IFT74: variants seen among roughly 807,000 people sequenced by gnomAD.
IFT74 encodes intraflagellar transport 74.
IFT74 carries 92 observed loss-of-function variants against 96.7 expected under a neutral mutation model. The ratio of observed to expected loss-of-function variants is 0.95; its 90% confidence interval spans 0.80 to 1.13. The LOEUF (loss-of-function observed/expected upper bound fraction) is 1.13. IFT74 is among the 50% of genes most tolerant of loss of function. The pLI is 0.00. For missense variants in IFT74, 811 were observed against 698.2 expected (o/e 1.16, Z -1.82); for synonymous variants, 223 against 213.2 (o/e 1.05, Z -0.40).
intron 8 of IFT74, chr9:26,994,203 A>G (rs1352176407): frequency 6.6e-6 from 1 of 152,212 alleles, no homozygotes; most frequent in Non-Finnish European, 1.5e-5. Flanking sequence ...TTGAATAATC[A>G]GAGAGCAGTT....
intron 8 of IFT74, among the ~76,000 whole-genome samples, chr9:26,990,828 A>T (rs17694499): frequency 0.054 from 8,220 of 152,300 alleles, 316 homozygotes; most frequent in Middle Eastern, 0.16. Flanking sequence ...TGAGTTAACT[A>T]GGGATACTCA....
At chr9:26,963,611 C>A (rs2131485476) in intron 2 of IFT74, among the ~76,000 whole-genome samples, 1 of 151,366 alleles carries the variant, frequency 6.6e-6, no homozygotes, top group Non-Finnish European at 1.5e-5. Context: ...CACATCCTCT[C>A]CAGCACCTGT....
At chr9:27,013,367 G>A (rs905114483) in intron 10 of IFT74, among the ~76,000 whole-genome samples, 2 of 152,082 alleles carry the variant, frequency 1.3e-5, no homozygotes, top group African/African-American at 2.4e-5. Context: ...AGTTTTCCGG[G>A]ATTATAAACA....
intron 2 of IFT74, among the ~76,000 whole-genome samples, chr9:26,970,133 G>T (rs777910851): frequency 3.3e-5 from 5 of 151,588 alleles, no homozygotes; most frequent in East Asian, 1.9e-4. Flanking sequence ...TCTTTCCTTC[G>T]CATTGACTTC....
intron 8 of IFT74, among the ~76,000 whole-genome samples, chr9:26,998,641 G>A (rs1828301594): frequency 6.6e-6 from 1 of 152,116 alleles, no homozygotes; most frequent in African/African-American, 2.4e-5. Context: ...AACTATATGT[G>A]TTTTTAAAAT....
At chr9:26,951,535 A>G (rs1825934146), upstream of IFT74, among the ~76,000 whole-genome samples, 1 of 152,240 alleles carries the variant, frequency 6.6e-6, no homozygotes, top group Non-Finnish European at 1.5e-5. Flanking sequence ...AATTGAGGCT[A>G]CAAATATGTC....
chr9:27,042,679 G>A (rs1819531336), intron 13 of IFT74, among the ~76,000 whole-genome samples: 7 of 152,168 alleles, frequency 4.6e-5, no homozygotes. Context: ...TCCTTGTAAA[G>A]TCTAGGATCC....
chr9:26,948,570 G>C (rs1206857218), intron 1 of IFT74, among the ~76,000 whole-genome samples: 1 of 145,550 alleles, frequency 6.9e-6, no homozygotes, highest in Non-Finnish European at 1.5e-5. Context: ...CCGGGTTCAA[G>C]CGATTCCTGC....
chr9:27,044,334 C>T (rs973884712), intron 13 of IFT74, among the ~76,000 whole-genome samples: 5 of 152,130 alleles, frequency 3.3e-5, no homozygotes, highest in Non-Finnish European at 5.9e-5. Flanking sequence ...CCTATGATAG[C>T]AGTTAGTACC....
At chr9:27,049,040 A>C (rs1355925943) in intron 16 of IFT74, among the ~76,000 whole-genome samples, 2 of 151,942 alleles carry the variant, frequency 1.3e-5, no homozygotes, top group Non-Finnish European at 2.9e-5. Flanking sequence ...TTCACGCAAG[A>C]TCTGGTTGTT....
At chr9:26,974,505 G>A (rs1196749720) in intron 2 of IFT74, among the ~76,000 whole-genome samples, 1 of 152,022 alleles carries the variant, frequency 6.6e-6, no homozygotes, top group African/African-American at 2.4e-5. Context: ...GCTTTAGAGA[G>A]GTTTTGAGTT....
chr9:26,982,636 G>A (rs1827437296), intron 4 of IFT74, among the ~76,000 whole-genome samples: 1 of 151,802 alleles, frequency 6.6e-6, no homozygotes, highest in Admixed American at 6.6e-5. Flanking sequence ...TGTATTTTTA[G>A]TTCAGACGAG....
In IFT74 at chr9:26,974,998, C is replaced by T. The variant is rs138045363; in HGVS notation, c.121-3130C>T. On this transcript the variant is annotated intron_variant, in intron 2 of 19. Coordinates refer to ENST00000380062, the MANE Select transcript of IFT74 (RefSeq NM_025103.4). Reference sequence around the variant, plus strand: ...ATCCTTTTTACATTGTTCTATCTCACGTTGAAGTCCTTTCAGGGAGGGGTA... The same window carrying T: ...ATCCTTTTTACATTGTTCTATCTCATGTTGAAGTCCTTTCAGGGAGGGGTA... 4.4e-3 allele frequency among the ~76,000 whole-genome samples: 675 copies of T among 152,182 alleles called. 5 individuals are homozygous for T. The highest frequency in any genetic ancestry group is 5.9e-3 in the Non-Finnish European group (400 of 68,012).
intron 8 of IFT74, among the ~76,000 whole-genome samples, chr9:27,004,471 T>C (rs1308877724): frequency 1.3e-5 from 2 of 152,174 alleles, no homozygotes; most frequent in Non-Finnish European, 2.9e-5. Context: ...AGGAGAAAGA[T>C]TGAAAGAGGG....
rs562658868 is a variant in IFT74 at position 27,015,317 on chromosome 9, G to A, written c.790-1590G>A. ...TATCTCGTCTACTCGTTCCTTTTTT[G>A]GAGGTTCCTTCTTTCATACTTTTAG... On this transcript the variant is annotated intron_variant, in intron 10 of 19. Transcript: ENST00000380062. Among the ~76,000 whole-genome samples the A allele has an allele frequency of 2.6e-5, 4 of 151,654 alleles. No individual in the cohort carries two copies. In the South Asian group the frequency reaches 8.3e-4, roughly 32 times the overall value.
intron 1 of IFT74, chr9:26,947,220 G>A: frequency 1.5e-6 from 1 of 679,908 alleles, no homozygotes; most frequent in Admixed American, 3.4e-5. Flanking sequence ...CGCGCCGAGC[G>A]GGCCGAGTGA....
Position 27,064,447 on chromosome 9 carries a change from A to G in IFT74, c.*1711A>G, listed in dbSNP as rs1820548844. Among the ~76,000 whole-genome samples, 1 of 152,158 alleles carries G rather than the reference A, an allele frequency of 6.6e-6. No homozygotes were observed. The highest frequency in any genetic ancestry group is 2.1e-4 in the South Asian group (1 of 4,832). ...TAGATAAAACAGGTAATAGATTTTG[A>G]TGACAGTTTGCAGCCCTTCGTTCAT... is the stretch of plus-strand genomic sequence containing the variant. On this transcript the variant is annotated 3_prime_UTR_variant, in exon 20 of 20. Coordinates refer to ENST00000380062, the MANE Select transcript of IFT74 (RefSeq NM_025103.4).
At chr9:27,009,242 C>T (rs1165693742) in intron 9 of IFT74, 84 bp downstream of exon 9, 2 of 1,241,652 alleles carry the variant, frequency 1.6e-6, no homozygotes, top group Non-Finnish European at 2.3e-6. Flanking sequence ...CATCAGCATC[C>T]CCTGAGAACT....
At chr9:26,967,523 T>G (rs1385083676) in intron 2 of IFT74, among the ~76,000 whole-genome samples, 2 of 152,174 alleles carry the variant, frequency 1.3e-5, no homozygotes, top group Non-Finnish European at 2.9e-5. Context: ...AAATATAAGA[T>G]CATATCATCT....
Sources: gnomAD v4.1 joint callset for allele counts (sites outside exome capture counted in the v4.1 genomes callset) on GRCh38, gnomAD v4.1.1 for gene constraint, MANE v1.5 for transcripts, NCBI Gene and HGNC (gene_info 2026-07-23, HGNC 2026-07-21) for gene names.